The following RNF7 variants were observed in gnomAD, a reference collection of about 807,000 sequenced individuals.
RNF7 encodes RING-box protein 2.
A neutral mutation model predicts 17.0 loss-of-function variants in RNF7; 9 were observed. The observed-to-expected ratio is 0.53, with a 90% confidence interval of 0.32 to 0.92. RNF7 has a LOEUF of 0.92. RNF7 is among the 40% of genes least tolerant of loss of function. The pLI is 0.04. For synonymous variants in RNF7, 59 were observed against 50.5 expected (o/e 1.17, Z -0.72); for missense variants, 87 against 145.8 (o/e 0.60, Z 2.08).
chr3:141,745,041 T>C, intron 2 of RNF7, 118 bp from the exon 3 acceptor site: 1 of 608,744 alleles, frequency 1.6e-6, no homozygotes, highest in East Asian at 3.2e-5. Flanking sequence ...AACATTATTT[T>C]GGCCAATTAA....
chr3:141,742,240 T>G (rs2084426260), intron 1 of RNF7, among the ~76,000 whole-genome samples: 1 of 149,492 alleles, frequency 6.7e-6, no homozygotes, highest in African/African-American at 2.5e-5. Context: ...TTTTTTTTTT[T>G]TTTTGAGACG....
At chr3:141,742,892 G>A in intron 1 of RNF7, 1 of 1,093,836 alleles carries the variant, frequency 9.1e-7, no homozygotes, top group Non-Finnish European at 1.1e-6. Context: ...GTTGCTAAAG[G>A]AAGGCTTCTG....
rs562766559 is a variant in RNF7, at chr3:141,746,410, G to A, written c.*1133G>A. 5.3e-5 allele frequency: 8 copies of A among 152,298 alleles called. No homozygotes were observed. The highest frequency in any genetic ancestry group is 4.6e-4 in the Admixed American group (7 of 15,302). The allele number at this position is 152,298 out of a possible 1,614,324, so 9.4% of individuals were successfully genotyped here. A position where few individuals can be genotyped will look rare whatever the true frequency, so the allele number is the denominator to read the frequency against. On this transcript the variant is annotated 3_prime_UTR_variant, in exon 3 of 3. Transcript: ENST00000273480. ...TTATTCTGCTTACCTTATTTGAATTGTCATTATAATTTTATATGCAACCTT... is the reference window on the plus strand; with the variant it reads ...TTATTCTGCTTACCTTATTTGAATTATCATTATAATTTTATATGCAACCTT...
rs1559832681 is a variant in RNF7 at position 141,745,399 on chromosome 3, G to A, written c.*122G>A. 1 of 610,130 alleles carries A rather than the reference G, an allele frequency of 1.6e-6. No homozygotes were observed. The highest frequency in any genetic ancestry group is 2.1e-5 in the South Asian group (1 of 46,726). 37.8% of individuals were successfully genotyped at this position (610,130 alleles called of 1,614,324 possible). The stretch of plus-strand genomic sequence containing the variant: ...TCTTCAAATAGGAGCCGATGGATCT[G>A]TGGTCCTTTGGGACTCATCAAAGCC... On this transcript the variant is annotated 3_prime_UTR_variant, in exon 3 of 3. Coordinates refer to ENST00000273480, the MANE Select transcript of RNF7 (RefSeq NM_014245.5).
intron 1 of RNF7, chr3:141,742,601 A>T (rs2084431604): frequency 4.3e-6 from 5 of 1,169,916 alleles, no homozygotes; most frequent in Non-Finnish European, 4.5e-6. Context: ...TATCATCCCC[A>T]CTTAATATAT....
At chr3:141,740,958 A>C (rs1210978586) in intron 1 of RNF7, among the ~76,000 whole-genome samples, 1 of 151,938 alleles carries the variant, frequency 6.6e-6, no homozygotes, top group African/African-American at 2.4e-5. Context: ...TATGGATAAC[A>C]CTCTCTTCGT....
chr3:141,739,627 T>G (rs1165750081), intron 1 of RNF7, among the ~76,000 whole-genome samples: 1 of 152,208 alleles, frequency 6.6e-6, no homozygotes, highest in African/African-American at 2.4e-5. Flanking sequence ...ATTGCTCACC[T>G]TAAGGGGGGT....
chr3:141,740,143 G>A (rs141479027), intron 1 of RNF7, among the ~76,000 whole-genome samples: 1,642 of 150,596 alleles, frequency 0.011, 27 homozygotes, highest in East Asian at 0.07. Context: ...AGTTTGGGAA[G>A]CATTTTTAAC....
At chr3:141,744,050 G>A (rs759476385) in intron 2 of RNF7, among the ~76,000 whole-genome samples, 6 of 152,080 alleles carry the variant, frequency 3.9e-5, no homozygotes, top group African/African-American at 7.2e-5. Flanking sequence ...AAAAGTTGTC[G>A]TAGGCTAAAT....
At chr3:141,741,253 T>A (rs2084413997) in intron 1 of RNF7, among the ~76,000 whole-genome samples, 1 of 152,218 alleles carries the variant, frequency 6.6e-6, no homozygotes, top group South Asian at 2.1e-4. Flanking sequence ...ACCCTCATGA[T>A]ATTTAGGTGT....
intron 1 of RNF7, among the ~76,000 whole-genome samples, chr3:141,742,223 C>CTTT (rs1196270339): frequency 4.3e-4 from 47 of 109,436 alleles, no homozygotes; most frequent in Non-Finnish European, 6.1e-4. Flanking sequence ...CAAGCATTTT[C>CTTT]TTTTTTTTTT....
At position 141,743,587 on chromosome 3, in the gene RNF7, C is replaced by T. The variant is rs376613811; in HGVS notation, c.223+31C>T. On this transcript the variant is annotated intron_variant, in intron 2 of 2. Transcript: ENST00000273480. Reference sequence around the variant, plus strand: ...TTGTAATTTTGTTCTCTTGCTTTTTCAACTGAAGGTTTTCTCTCAGTAGGG... The same window carrying T: ...TTGTAATTTTGTTCTCTTGCTTTTTTAACTGAAGGTTTTCTCTCAGTAGGG... The T allele has an allele frequency of 3.2e-6, 5 of 1,553,504 alleles. No individual in the cohort carries two copies. The African/African-American group carries it at 6.8e-5, about 21-fold the overall frequency.
chr3:141,746,637 A>G lies in RNF7; in HGVS notation c.*1360A>G, dbSNP rs2084476317. The G allele has an allele frequency of 6.6e-6, 1 of 152,210 alleles. No homozygotes were observed. The allele number at this position is 152,210 out of a possible 1,614,324, so 9.4% of individuals were successfully genotyped here. ...ACAAGTTCATTTTGTATTCTTCTGT[A>G]GTAGAGGCTACTGATATGAATTTAA... On this transcript the variant is annotated 3_prime_UTR_variant, in exon 3 of 3. Transcript: ENST00000273480.
Position 141,738,485 on chromosome 3 carries a change from TA to T in RNF7, c.145del (p.Thr49ArgfsTer9), listed in dbSNP as rs761451631. 2.5e-6 allele frequency: 4 copies of T among 1,613,558 alleles called. No homozygotes were observed. In the African/African-American group the frequency reaches 5.3e-5, roughly 22 times the overall value. ...AMWSWDVECD[T>X]CAICRVQVMD... Reference sequence around the variant, plus strand: ...TGTGGAGCTGGGACGTGGAGTGCGATACGTGCGCCATCTGCAGGGTCCAGGT... The same window carrying T: ...TGTGGAGCTGGGACGTGGAGTGCGATCGTGCGCCATCTGCAGGGTCCAGGT... On this transcript the variant is annotated frameshift_variant, in exon 1 of 3. Coordinates refer to ENST00000273480, the MANE Select transcript of RNF7 (RefSeq NM_014245.5). LOFTEE classifies it high-confidence loss of function.
At chr3:141,740,710 A>C (rs2084407388) in intron 1 of RNF7, among the ~76,000 whole-genome samples, 1 of 152,202 alleles carries the variant, frequency 6.6e-6, no homozygotes, top group African/African-American at 2.4e-5. Flanking sequence ...GTGCTGTTTT[A>C]GATTCTAGGA....
intron 1 of RNF7, among the ~76,000 whole-genome samples, chr3:141,740,168 C>CTT (rs543733202): frequency 0.052 from 7,307 of 140,124 alleles, 169 homozygotes; most frequent in South Asian, 0.083. Context: ...CCAGGAGACT[C>CTT]TTTTTTTTTT....
chr3:141,738,379 T>C lies in RNF7; in HGVS notation c.38T>C (p.Leu13Pro), dbSNP rs2084378743. Residue 13 changes from leucine to proline, a missense_variant, in exon 1 of 3, where the codon CTG becomes CCG. Transcript: ENST00000273480. ...GAAGACGGAGAGGAAACCTGCGCCCTGGCCTCTCACTCCGGGAGCTCAGGC... is the reference window on the plus strand; with the variant it reads ...GAAGACGGAGAGGAAACCTGCGCCCCGGCCTCTCACTCCGGGAGCTCAGGC... ...DVEDGEETCA[L>P]ASHSGSSGSK... 2 of 1,592,502 alleles carry C rather than the reference T, an allele frequency of 1.3e-6. No homozygotes were observed. Among genetic ancestry groups the C allele is most frequent in the Middle Eastern group, 1.7e-4 (1 of 5,986 alleles).
At position 141,745,407 on chromosome 3, in the gene RNF7, T is replaced by C. The variant is rs1577901411; in HGVS notation, c.*130T>C. 1.8e-6 allele frequency: 1 copy of C among 559,622 alleles called. No individual in the cohort carries two copies. Among genetic ancestry groups the C allele is most frequent in the South Asian group, 2.5e-5 (1 of 39,806 alleles). 34.7% of individuals were successfully genotyped at this position (559,622 alleles called of 1,614,324 possible). ...TAGGAGCCGATGGATCTGTGGTCCTTTGGGACTCATCAAAGCCTTGGTTTA... is the reference window on the plus strand; with the variant it reads ...TAGGAGCCGATGGATCTGTGGTCCTCTGGGACTCATCAAAGCCTTGGTTTA... On this transcript the variant is annotated 3_prime_UTR_variant, in exon 3 of 3. Coordinates refer to ENST00000273480, the MANE Select transcript of RNF7 (RefSeq NM_014245.5).
chr3:141,740,093 A>G (rs946210450), intron 1 of RNF7, among the ~76,000 whole-genome samples: 1 of 152,098 alleles, frequency 6.6e-6, no homozygotes, highest in Non-Finnish European at 1.5e-5. Context: ...TTTGCCAGCA[A>G]TACAGCTGCC....
Sources: gnomAD v4.1 joint callset for allele counts (sites outside exome capture counted in the v4.1 genomes callset) on GRCh38, gnomAD v4.1.1 for gene constraint, MANE v1.5 for transcripts, NCBI Gene and HGNC (gene_info 2026-07-23, HGNC 2026-07-21) for gene names.